RAB22A: variants seen among roughly 807,000 people sequenced by gnomAD.
RAB22A encodes RAB22A, member RAS oncogene family, also known as ras-related protein Rab-22A.
A neutral mutation model predicts 30.2 loss-of-function variants in RAB22A; 13 were observed. The observed-to-expected ratio is 0.43, with a 90% CI of 0.28 to 0.68. The LOEUF is 0.68. Ranked by LOEUF, RAB22A falls within the 30% of genes least tolerant of loss-of-function variation. The pLI is 0.18. For synonymous variants in RAB22A, 89 were observed against 87.2 expected, an observed-to-expected ratio of 1.02 and a Z score of -0.11; for missense variants, 177 against 246.8, an observed-to-expected ratio of 0.72 and a Z score of 1.89.
Position 58,359,807 on chromosome 20 carries a change from C to A in RAB22A, c.*104C>A. 1 of 939,384 alleles carries A rather than the reference C, an allele frequency of 1.1e-6. No individual in the cohort carries two copies. Among genetic ancestry groups the A allele is most frequent in the Non-Finnish European group, 1.6e-6 (1 of 626,858 alleles). 58.2% of individuals were successfully genotyped at this position (939,384 alleles called of 1,614,324 possible). The stretch of plus-strand genomic sequence containing the variant: ...AGTTTTCACCTAGCCAGTCTTGAGT[C>A]TTCTCCGTGCAAAAAGGATTCACAG... On this transcript the variant is annotated 3_prime_UTR_variant, in exon 7 of 7. Coordinates refer to ENST00000244040, the MANE Select transcript of RAB22A (RefSeq NM_020673.3).
chr20:58,328,427 T>C (rs1986605965), intron 2 of RAB22A, among the ~76,000 whole-genome samples: 1 of 152,138 alleles, frequency 6.6e-6, no homozygotes, highest in Non-Finnish European at 1.5e-5. Context: ...CAAGCAATCC[T>C]CCTGTCTTGG....
chr20:58,342,441 T>C (rs1366624573), intron 2 of RAB22A, among the ~76,000 whole-genome samples: 2 of 152,188 alleles, frequency 1.3e-5, no homozygotes, highest in African/African-American at 4.8e-5. Context: ...GTTTTAAAAC[T>C]AAGGATTCTG....
At chr20:58,343,485 A>AGCTT (rs1308652001) in intron 2 of RAB22A, among the ~76,000 whole-genome samples, 1 of 151,842 alleles carries the variant, frequency 6.6e-6, no homozygotes, top group Non-Finnish European at 1.5e-5. Context: ...TTTGATAAGG[A>AGCTT]GCTTAGAACC....
chr20:58,310,362 G>A (rs1031149892), intron 1 of RAB22A, among the ~76,000 whole-genome samples: 4 of 152,176 alleles, frequency 2.6e-5, no homozygotes, highest in African/African-American at 9.7e-5. Context: ...AGTTGGCCAA[G>A]TCTTCCAAAG....
chr20:58,313,985 G>T (rs998207365), intron 2 of RAB22A, among the ~76,000 whole-genome samples: 2 of 151,906 alleles, frequency 1.3e-5, no homozygotes, highest in African/African-American at 4.8e-5. Flanking sequence ...ATGGACTTCT[G>T]TCCTCGTAGA....
At chr20:58,330,948 A>T (rs116160308) in intron 2 of RAB22A, among the ~76,000 whole-genome samples, 2,121 of 152,214 alleles carry the variant, frequency 0.014, 68 homozygotes, top group African/African-American at 0.049. Flanking sequence ...ATGGATTTGC[A>T]GCTCCTTCTT....
At chr20:58,333,907 A>C (rs1267756697) in intron 2 of RAB22A, among the ~76,000 whole-genome samples, 1 of 152,122 alleles carries the variant, frequency 6.6e-6, no homozygotes, top group Non-Finnish European at 1.5e-5. Flanking sequence ...AGAATGAAAA[A>C]ATTAGCTGGA....
intron 2 of RAB22A, among the ~76,000 whole-genome samples, chr20:58,313,077 C>T (rs186008070): frequency 3.6e-4 from 55 of 152,298 alleles, no homozygotes; most frequent in Admixed American, 1.9e-3. Context: ...GACACCCAGA[C>T]ACCACCTTGG....
intron 2 of RAB22A, among the ~76,000 whole-genome samples, chr20:58,316,904 C>T (rs1238867503): frequency 6.6e-6 from 1 of 152,124 alleles, no homozygotes; most frequent in African/African-American, 2.4e-5. Context: ...CCTAACTCAC[C>T]ATCTCCTCCC....
intron 2 of RAB22A, among the ~76,000 whole-genome samples, chr20:58,315,303 G>A (rs771666958): frequency 9.9e-5 from 15 of 152,088 alleles, no homozygotes; most frequent in African/African-American, 3.4e-4. Context: ...ACCTTCACCT[G>A]TATAATGTGA....
intron 2 of RAB22A, among the ~76,000 whole-genome samples, chr20:58,335,090 CTG>C (rs1437724051): frequency 4.6e-5 from 7 of 152,176 alleles, no homozygotes; most frequent in Admixed American, 4.6e-4. Context: ...TAAAAAAACA[CTG>C]TAGATGAATT....
rs1481989067 is a variant in RAB22A, at chr20:58,364,725, T to A, written c.*5022T>A. ...TTAAAAGCCGTAAGATAGTAATGAT[T>A]TTTTTTCTTTTTTTTTTTTTTTCTT... On this transcript the variant is annotated 3_prime_UTR_variant, in exon 7 of 7. Coordinates refer to ENST00000244040, the MANE Select transcript of RAB22A (RefSeq NM_020673.3). 1 of 150,098 alleles carries A rather than the reference T, an allele frequency of 6.7e-6. No homozygotes were observed. The highest frequency in any genetic ancestry group is 1.5e-5 in the Non-Finnish European group (1 of 67,862). The allele number at this position is 150,098 out of a possible 1,614,324, so 9.3% of individuals were successfully genotyped here.
At chr20:58,347,131 G>A (rs1157349170) in intron 3 of RAB22A, among the ~76,000 whole-genome samples, 1 of 152,166 alleles carries the variant, frequency 6.6e-6, no homozygotes, top group Non-Finnish European at 1.5e-5. Flanking sequence ...CATTTATTAT[G>A]GAACCAAAAT....
chr20:58,356,754 CT>C (rs1476117086), intron 6 of RAB22A, among the ~76,000 whole-genome samples: 1 of 152,128 alleles, frequency 6.6e-6, no homozygotes, highest in Non-Finnish European at 1.5e-5. Context: ...GTGTGTCTGG[CT>C]TCTTTCATTC....
intron 2 of RAB22A, among the ~76,000 whole-genome samples, chr20:58,333,276 C>CATAAATAAATAAATAAATAAATAA (rs58194504): frequency 1.1e-3 from 159 of 143,750 alleles, no homozygotes; most frequent in Admixed American, 1.7e-3. Flanking sequence ...GAGACTCCAT[C>CATAAATAAATAAATAAATAAATAA]ATAAATAAAT....
rs912595499 is a variant in RAB22A at position 58,356,630 on chromosome 20, C to A, written c.487+2365C>A. Among the ~76,000 whole-genome samples, 12 of 152,286 alleles carry A rather than the reference C, an allele frequency of 7.9e-5. No individual in the cohort carries two copies. The East Asian group carries it at 1.3e-3, about 17-fold the overall frequency. On this transcript the variant is annotated intron_variant, in intron 6 of 6. Transcript: ENST00000244040. Reference sequence around the variant, plus strand: ...CTTGGCACTCTGGTTGGGACATGGCCGTTCCTACACCCAACGGTAACCATC... The same window carrying A: ...CTTGGCACTCTGGTTGGGACATGGCAGTTCCTACACCCAACGGTAACCATC...
At chr20:58,332,465 A>T (rs1010948443) in intron 2 of RAB22A, among the ~76,000 whole-genome samples, 10 of 152,210 alleles carry the variant, frequency 6.6e-5, no homozygotes, top group African/African-American at 2.4e-4. Context: ...AAAGCAAAGG[A>T]ATCTCTTAAA....
intron 2 of RAB22A, among the ~76,000 whole-genome samples, chr20:58,326,911 A>T (rs1363150104): frequency 6.6e-6 from 1 of 152,208 alleles, no homozygotes; most frequent in East Asian, 1.9e-4. Context: ...GGGGGAAAAC[A>T]TTCAGTATTG....
intron 2 of RAB22A, among the ~76,000 whole-genome samples, chr20:58,332,525 T>A (rs999290132): frequency 1.2e-4 from 19 of 152,322 alleles, no homozygotes; most frequent in African/African-American, 4.6e-4. Flanking sequence ...CCAGTCATCT[T>A]ATAAAATGTC....
Sources: gnomAD v4.1 joint callset for allele counts (sites outside exome capture counted in the v4.1 genomes callset) on GRCh38, gnomAD v4.1.1 for gene constraint, MANE v1.5 for transcripts, NCBI Gene and HGNC (gene_info 2026-07-23, HGNC 2026-07-21) for gene names.